KSR2: variants seen among roughly 807,000 people sequenced by gnomAD.
KSR2 encodes the protein kinase suppressor of ras 2.
KSR2 carries 25 observed loss-of-function variants against 107.8 expected under a neutral mutation model. That is an observed-to-expected ratio of 0.23 (90% CI 0.17 to 0.32). KSR2 has a LOEUF of 0.32. Among genes scored for constraint, KSR2 ranks in the 10% least tolerant of loss-of-function variants. The pLI is 1.00. For missense variants in KSR2, 887 were observed against 1,268.9 expected (o/e 0.70, Z 4.57); for synonymous variants, 480 against 507.0 (o/e 0.95, Z 0.71).
At chr12:117,595,453 T>C (rs941811636) in intron 5 of KSR2, among the ~76,000 whole-genome samples, 1 of 135,446 alleles carries the variant, frequency 7.4e-6, no homozygotes, top group Admixed American at 8.0e-5. Context: ...CAAGCTCCGC[T>C]TCCCGGGTTC....
chr12:117,908,956 A>G (rs754145912), intron 1 of KSR2, among the ~76,000 whole-genome samples: 8 of 152,166 alleles, frequency 5.3e-5, no homozygotes, highest in Non-Finnish European at 1.2e-4. Context: ...CCTCTAGTCC[A>G]ATCCAATTTT....
At chr12:117,594,475 G>T (rs2136276334) in intron 5 of KSR2, among the ~76,000 whole-genome samples, 1 of 152,220 alleles carries the variant, frequency 6.6e-6, no homozygotes, top group South Asian at 2.1e-4. Flanking sequence ...TTCAAGACTG[G>T]GTGTCCATAT....
chr12:117,492,400 C>T (rs1031274307), intron 14 of KSR2, among the ~76,000 whole-genome samples: 15 of 133,844 alleles, frequency 1.1e-4, no homozygotes, highest in African/African-American at 3.0e-4. Flanking sequence ...CTCCTCCAAA[C>T]GCTTCAGCAC....
chr12:117,633,486 T>A (rs143991756), intron 5 of KSR2, among the ~76,000 whole-genome samples: 1 of 152,198 alleles, frequency 6.6e-6, no homozygotes, highest in East Asian at 1.9e-4. Context: ...ACAACAGATA[T>A]TTATTCTCTC....
chr12:117,585,848 G>C (rs539145731), intron 5 of KSR2, among the ~76,000 whole-genome samples: 1 of 152,294 alleles, frequency 6.6e-6, no homozygotes, highest in East Asian at 1.9e-4. Context: ...TGCATCCCTG[G>C]TGCCTATGGT....
chr12:117,684,644 G>A (rs1469479160), intron 4 of KSR2, among the ~76,000 whole-genome samples: 1 of 152,106 alleles, frequency 6.6e-6, no homozygotes, highest in Admixed American at 6.5e-5. Flanking sequence ...CTTCGGGGAG[G>A]GAATTCCAAT....
intron 4 of KSR2, among the ~76,000 whole-genome samples, chr12:117,741,226 C>G (rs535954203): frequency 6.6e-6 from 1 of 152,064 alleles, no homozygotes; most frequent in Non-Finnish European, 1.5e-5. Context: ...TACACTGATA[C>G]AAGTAGAGAG....
chr12:117,700,943 C>T (rs1886278388), intron 4 of KSR2, among the ~76,000 whole-genome samples: 1 of 152,204 alleles, frequency 6.6e-6, no homozygotes. Context: ...CTCAACATTA[C>T]CCCTCTCCAT....
At chr12:117,827,089 A>G (rs1350803020) in intron 3 of KSR2, among the ~76,000 whole-genome samples, 1 of 150,884 alleles carries the variant, frequency 6.6e-6, no homozygotes, top group Non-Finnish European at 1.5e-5. Flanking sequence ...TCTTTTATAG[A>G]TGTGTTCTTG....
intron 5 of KSR2, among the ~76,000 whole-genome samples, chr12:117,653,792 T>C (rs1884002653): frequency 6.6e-6 from 1 of 152,216 alleles, no homozygotes; most frequent in Non-Finnish European, 1.5e-5. Context: ...CATTTGGGTG[T>C]GTTACTCCAG....
intron 3 of KSR2, among the ~76,000 whole-genome samples, chr12:117,775,407 T>C (rs1374090699): frequency 1.3e-5 from 2 of 152,222 alleles, no homozygotes; most frequent in Non-Finnish European, 2.9e-5. Context: ...ATAGCTAACA[T>C]TTATCGAGCA....
At chr12:117,784,130 T>C (rs906166754) in intron 3 of KSR2, among the ~76,000 whole-genome samples, 5 of 152,206 alleles carry the variant, frequency 3.3e-5, no homozygotes, top group African/African-American at 1.2e-4. Context: ...GTTTGGGGTA[T>C]GAATAATCCC....
intron 3 of KSR2, among the ~76,000 whole-genome samples, chr12:117,827,722 C>T (rs958345121): frequency 4.6e-5 from 7 of 152,158 alleles, no homozygotes; most frequent in Non-Finnish European, 1.0e-4. Context: ...TTTGATAGGT[C>T]AGTGTCCTAT....
intron 3 of KSR2, among the ~76,000 whole-genome samples, chr12:117,809,329 G>GCTGTC (rs1440783072): frequency 6.6e-6 from 1 of 151,948 alleles, no homozygotes; most frequent in African/African-American, 2.4e-5. Context: ...TGGGGGTTGC[G>GCTGTC]CTGTCCTGTG....
At chr12:117,482,467 G>T (rs1330675290) in intron 16 of KSR2, among the ~76,000 whole-genome samples, 1 of 152,208 alleles carries the variant, frequency 6.6e-6, no homozygotes, top group African/African-American at 2.4e-5. Context: ...ATGGCTACTT[G>T]TGGGTGGCCA....
intron 3 of KSR2, among the ~76,000 whole-genome samples, chr12:117,796,355 T>C (rs1439360854): frequency 6.6e-6 from 1 of 152,156 alleles, no homozygotes; most frequent in East Asian, 1.9e-4. Flanking sequence ...AAGGTGATGG[T>C]GAGGACTAAA....
chr12:117,483,644 A>G (rs1872297996), intron 16 of KSR2, among the ~76,000 whole-genome samples: 1 of 152,190 alleles, frequency 6.6e-6, no homozygotes. Flanking sequence ...ATTTGAGATC[A>G]AGCTGTTTCT....
At chr12:117,870,627 T>C (rs751732691) in intron 1 of KSR2, among the ~76,000 whole-genome samples, 1 of 151,952 alleles carries the variant, frequency 6.6e-6, no homozygotes, top group Non-Finnish European at 1.5e-5. Flanking sequence ...AAAAAAAAAT[T>C]ATCTGTGCAG....
intron 1 of KSR2, among the ~76,000 whole-genome samples, chr12:117,922,184 G>A (rs1453198991): frequency 1.3e-5 from 2 of 152,084 alleles, no homozygotes; most frequent in Non-Finnish European, 2.9e-5. Flanking sequence ...TGAAGACAGG[G>A]CAAACCCAGC....
Sources: allele counts gnomAD v4.1 joint callset (sites outside exome capture counted in the v4.1 genomes callset), GRCh38; gene constraint gnomAD v4.1.1; transcripts MANE v1.5; gene names NCBI Gene and HGNC (gene_info 2026-07-23, HGNC 2026-07-21).